CR1L: variants seen among roughly 807,000 people sequenced by gnomAD.
CR1L encodes the protein complement C3b/C4b receptor 1 like.
Under a neutral mutation model 62.3 loss-of-function variants are expected in CR1L, and 59 were observed. That is an observed-to-expected ratio of 0.95 (90% CI 0.77 to 1.18). CR1L has a LOEUF of 1.18. CR1L is among the 50% of genes most tolerant of loss of function. CR1L has a pLI of 0.00. For synonymous variants in CR1L, 279 were observed against 248.7 expected, an observed-to-expected ratio of 1.12 and a Z score of -1.15; for missense variants, 700 against 702.8, an observed-to-expected ratio of 1.00 and a Z score of 0.04.
At chr1:207,672,163 A>T (rs1395454960) in intron 1 of CR1L, among the ~76,000 whole-genome samples, 3 of 150,762 alleles carry the variant, frequency 2.0e-5, no homozygotes, top group Admixed American at 2.0e-4. Context: ...AAATATAGAC[A>T]ATATATATTA....
chr1:207,699,945 A>C (rs1057470664), intron 8 of CR1L, among the ~76,000 whole-genome samples: 8 of 152,222 alleles, frequency 5.3e-5, no homozygotes, highest in Non-Finnish European at 8.8e-5. Flanking sequence ...GTAACATTAG[A>C]CAGGGTGAGC....
intron 4 of CR1L, among the ~76,000 whole-genome samples, chr1:207,692,109 A>G (rs1330413551): frequency 6.6e-6 from 1 of 152,206 alleles, no homozygotes; most frequent in Non-Finnish European, 1.5e-5. Context: ...CATAAGAGTA[A>G]CCTACGGTCT....
chr1:207,708,942 A>G (rs1481755923), intron 10 of CR1L: 3 of 359,974 alleles, frequency 8.3e-6, no homozygotes, highest in South Asian at 2.1e-5. Flanking sequence ...TTCCAAGATC[A>G]GATGAAATTG....
At chr1:207,691,880 G>A (rs1276076064) in intron 4 of CR1L, among the ~76,000 whole-genome samples, 1 of 152,178 alleles carries the variant, frequency 6.6e-6, no homozygotes, top group African/African-American at 2.4e-5. Flanking sequence ...AGCAATGAAC[G>A]ATTCGCAAAT....
Position 207,697,505 on chromosome 1 carries a change from T to A in CR1L, c.865T>A (p.Cys289Ser). The A allele has an allele frequency of 1.2e-6, 2 of 1,613,814 alleles. No homozygotes were observed. The highest frequency in any genetic ancestry group is 1.7e-6 in the Non-Finnish European group (2 of 1,179,722). The change falls in exon 6 of 12, where the codon TGT becomes AGT. Residue 289 changes from cysteine to serine, a missense_variant and splice_region_variant. Cys to Ser is a moderately radical substitution (Grantham distance 112). Coordinates refer to ENST00000508064, the MANE Select transcript of CR1L (RefSeq NM_175710.2). The stretch of plus-strand genomic sequence containing the variant: ...GTACTTTGTTTCTCTCTCCCCAGTA[T>A]GTCAGCCACCTCCAGATGTCCTGCA... ...EPELPSCSRV[C>S]QPPPDVLHAE...
chr1:207,698,892 A>G (rs1217649369), intron 7 of CR1L, among the ~76,000 whole-genome samples: 1 of 152,216 alleles, frequency 6.6e-6, no homozygotes, highest in East Asian at 1.9e-4. Context: ...AATAATGACA[A>G]TGAGTAATCA....
rs368412184 is a variant in CR1L at position 207,694,693 on chromosome 1, C to T, written c.804C>T (p.Ser268=). Residue 268 remains serine, a synonymous_variant, in exon 5 of 12, where the codon TCC becomes TCT. Transcript: ENST00000508064. ...CQPGFGMKGP[S]HVKCQALNKW... is the part of the protein sequence containing the mutation. The stretch of plus-strand genomic sequence containing the variant: ...CTGGCTTTGGCATGAAAGGGCCCTC[C>T]CATGTGAAGTGCCAGGCCCTGAACA... 460 of 1,611,856 alleles carry T rather than the reference C, an allele frequency of 2.9e-4. 2 individuals carry two copies. Among genetic ancestry groups the T allele is most frequent in the South Asian group, 8.7e-4 (79 of 90,990 alleles).
At chr1:207,654,563 G>A (rs1015371303) in intron 1 of CR1L, among the ~76,000 whole-genome samples, 3 of 152,024 alleles carry the variant, frequency 2.0e-5, no homozygotes, top group Non-Finnish European at 4.4e-5. Context: ...ACTGAGTATA[G>A]GTGTATACTC....
At chr1:207,669,742 A>C (rs930562273) in intron 1 of CR1L, among the ~76,000 whole-genome samples, 1 of 151,288 alleles carries the variant, frequency 6.6e-6, no homozygotes, top group Non-Finnish European at 1.5e-5. Flanking sequence ...CCTTCTGCGC[A>C]CTGGAGACCC....
intron 1 of CR1L, among the ~76,000 whole-genome samples, chr1:207,674,828 G>A (rs1262152621): frequency 6.6e-6 from 1 of 150,878 alleles, no homozygotes; most frequent in Non-Finnish European, 1.5e-5. Context: ...AAAGGTGAAT[G>A]CATAACACTG....
chr1:207,707,821 T>C (rs1570564), intron 9 of CR1L, among the ~76,000 whole-genome samples: 80,054 of 132,368 alleles, frequency 0.6, 23,644 homozygotes, highest in East Asian at 0.86. Context: ...CACACACACA[T>C]ATTAAGGGAA....
chr1:207,715,197 C>T (rs1653965713), intron 10 of CR1L: 3 of 622,902 alleles, frequency 4.8e-6, no homozygotes, highest in Admixed American at 4.4e-5. Context: ...ACCTAAGACC[C>T]AAATGATAGT....
At chr1:207,678,154 C>A in intron 2 of CR1L, 44 bp from the exon 3 acceptor site, 4 of 1,572,404 alleles carry the variant, frequency 2.5e-6, no homozygotes, top group Non-Finnish European at 3.5e-6. Flanking sequence ...AAAAAAAATT[C>A]AGTTTACTCT....
chr1:207,710,695 G>A, intron 10 of CR1L: 1 of 1,610,156 alleles, frequency 6.2e-7, no homozygotes, highest in East Asian at 2.2e-5. Context: ...TTAGGTGTCA[G>A]CCTGGCTTTG....
chr1:207,705,985 T>C (rs1286187585), intron 9 of CR1L, among the ~76,000 whole-genome samples: 1 of 141,342 alleles, frequency 7.1e-6, no homozygotes, highest in Non-Finnish European at 1.5e-5. Flanking sequence ...TCATTTCATA[T>C]ATGTGTCATA....
intron 11 of CR1L, among the ~76,000 whole-genome samples, chr1:207,718,169 AG>A (rs1324798483): frequency 6.6e-6 from 1 of 152,190 alleles, no homozygotes; most frequent in Non-Finnish European, 1.5e-5. Context: ...GTTGTTTCCA[AG>A]GGTTTGTTCA....
intron 10 of CR1L, 127 bp downstream of exon 10, chr1:207,708,390 A>C: frequency 3.2e-6 from 4 of 1,259,470 alleles, no homozygotes; most frequent in Non-Finnish European, 4.5e-6. Context: ...GAATCCAGTC[A>C]TATCCTTAAA....
At chr1:207,717,285 T>A (rs373772524) in intron 10 of CR1L, among the ~76,000 whole-genome samples, 179 bp from the exon 11 acceptor site, 8 of 152,292 alleles carry the variant, frequency 5.3e-5, no homozygotes, top group Middle Eastern at 3.4e-3. Context: ...GTAATTTAGG[T>A]CTCACAACAG....
intron 10 of CR1L, chr1:207,715,367 CT>C: frequency 6.3e-7 from 1 of 1,596,936 alleles, no homozygotes; most frequent in Non-Finnish European, 8.6e-7. Flanking sequence ...AATGAAAGCC[CT>C]TTGGAATAGC....
Sources: allele counts gnomAD v4.1 joint callset (sites outside exome capture counted in the v4.1 genomes callset), GRCh38; gene constraint gnomAD v4.1.1; transcripts MANE v1.5; gene names NCBI Gene and HGNC (gene_info 2026-07-23, HGNC 2026-07-21).